Variants in SCAPER observed in about 807,000 individuals in gnomAD.
SCAPER encodes S-phase cyclin A associated protein in the ER, also known as S phase cyclin A-associated protein in the endoplasmic reticulum.
In SCAPER, 98 loss-of-function variants were observed where a neutral mutation model predicts 182.2. The observed-to-expected ratio is 0.54, with a 90% CI of 0.46 to 0.64. The LOEUF is 0.64. Among genes scored for constraint, SCAPER ranks in the 30% least tolerant of loss-of-function variants. The pLI is 0.00. For synonymous variants in SCAPER, 605 were observed against 564.6 expected (o/e 1.07, Z -1.01); for missense variants, 1,432 against 1,690.0 (o/e 0.85, Z 2.68).
At chr15:76,508,947 G>A (rs755611553) in intron 23 of SCAPER, among the ~76,000 whole-genome samples, 1 of 152,062 alleles carries the variant, frequency 6.6e-6, no homozygotes, top group Non-Finnish European at 1.5e-5. Flanking sequence ...ATATTTTCTG[G>A]ATTTAATTTG....
intron 23 of SCAPER, among the ~76,000 whole-genome samples, chr15:76,541,135 A>T (rs948270440): frequency 1.3e-5 from 2 of 152,084 alleles, no homozygotes; most frequent in Non-Finnish European, 2.9e-5. Context: ...AAGAAAAAAA[A>T]AACCATGTTT....
At chr15:76,901,031 C>T (rs937746712) in intron 1 of SCAPER, among the ~76,000 whole-genome samples, 1 of 152,158 alleles carries the variant, frequency 6.6e-6, no homozygotes, top group Non-Finnish European at 1.5e-5. Flanking sequence ...CTACTGTTCA[C>T]ATTTTTGCTA....
intron 8 of SCAPER, among the ~76,000 whole-genome samples, chr15:76,779,906 G>C (rs2063994914): frequency 6.6e-6 from 1 of 152,118 alleles, no homozygotes; most frequent in South Asian, 2.1e-4. Context: ...ATCAACGGGG[G>C]ATCTTCGACC....
At chr15:76,894,906 A>G (rs2074348442) in intron 1 of SCAPER, among the ~76,000 whole-genome samples, 1 of 152,176 alleles carries the variant, frequency 6.6e-6, no homozygotes, top group African/African-American at 2.4e-5. Flanking sequence ...AACTCACAAA[A>G]GAGAAGAACC....
chr15:76,651,924 C>T (rs1293252425), intron 21 of SCAPER, among the ~76,000 whole-genome samples: 1 of 151,710 alleles, frequency 6.6e-6, no homozygotes, highest in African/African-American at 2.4e-5. Flanking sequence ...AGTTAACACA[C>T]CACAAATCAA....
chr15:76,763,739 T>G (rs1405432831), intron 14 of SCAPER, among the ~76,000 whole-genome samples: 1 of 152,178 alleles, frequency 6.6e-6, no homozygotes, highest in South Asian at 2.1e-4. Flanking sequence ...ACTGAGTCTG[T>G]TGCTGAAGCT....
chr15:76,712,904 T>C (rs577197056), intron 17 of SCAPER, among the ~76,000 whole-genome samples: 11 of 151,676 alleles, frequency 7.3e-5, no homozygotes, highest in Middle Eastern at 3.4e-3. Context: ...TTTGATTTCC[T>C]CTTTTCCTAA....
At chr15:76,813,384 TAG>T (rs1555617303) in intron 5 of SCAPER, among the ~76,000 whole-genome samples, 2 of 151,810 alleles carry the variant, frequency 1.3e-5, no homozygotes, top group Non-Finnish European at 1.5e-5. Context: ...ATCTAAGATC[TAG>T]TACCAGGCAA....
chr15:76,876,947 T>C (rs1295510335), intron 2 of SCAPER, among the ~76,000 whole-genome samples: 1 of 152,054 alleles, frequency 6.6e-6, no homozygotes, highest in Non-Finnish European at 1.5e-5. Flanking sequence ...ACATACCAAA[T>C]AGATTTGGCT....
At chr15:76,630,147 CCATTT>C (rs1250192367) in intron 21 of SCAPER, among the ~76,000 whole-genome samples, 12 of 151,854 alleles carry the variant, frequency 7.9e-5, no homozygotes, top group African/African-American at 2.7e-4. Flanking sequence ...TGGTGATATC[CCATTT>C]ATTATTTTTT....
chr15:76,585,528 A>G (rs1567528885), intron 22 of SCAPER, among the ~76,000 whole-genome samples: 1 of 152,176 alleles, frequency 6.6e-6, no homozygotes, highest in Admixed American at 6.5e-5. Context: ...AGCCATAGCA[A>G]CAGATATATA....
At chr15:76,662,775 T>C (rs775098809) in intron 21 of SCAPER, among the ~76,000 whole-genome samples, 1 of 152,100 alleles carries the variant, frequency 6.6e-6, no homozygotes, top group Non-Finnish European at 1.5e-5. Flanking sequence ...AAAATAAACC[T>C]GGACCCATAC....
At chr15:76,700,315 C>T (rs1375835712) in intron 20 of SCAPER, among the ~76,000 whole-genome samples, 1 of 152,210 alleles carries the variant, frequency 6.6e-6, no homozygotes, top group Admixed American at 6.5e-5. Context: ...CCTCTGGACT[C>T]TTCACAAGCT....
At chr15:76,902,260 CTG>C (rs2074828514) in intron 1 of SCAPER, among the ~76,000 whole-genome samples, 1 of 152,196 alleles carries the variant, frequency 6.6e-6, no homozygotes, top group African/African-American at 2.4e-5. Context: ...AAACCAAATA[CTG>C]TGTGTTCTCT....
chr15:76,779,595 C>A (rs928499589), intron 8 of SCAPER, among the ~76,000 whole-genome samples: 1 of 151,924 alleles, frequency 6.6e-6, no homozygotes, highest in Non-Finnish European at 1.5e-5. Context: ...GTTTCTCTGG[C>A]AAATTCAACT....
intron 23 of SCAPER, among the ~76,000 whole-genome samples, chr15:76,564,323 T>C (rs2145198858): frequency 6.6e-6 from 1 of 152,258 alleles, no homozygotes; most frequent in South Asian, 2.1e-4. Context: ...AATCTCATGA[T>C]ACAAAATCAA....
Position 76,665,802 on chromosome 15 carries a change from T to A in SCAPER, c.2509-13A>T, listed in dbSNP as rs1436490131. 12 of 1,485,598 alleles carry A rather than the reference T, an allele frequency of 8.1e-6. No homozygotes were observed. The highest frequency in any genetic ancestry group is 4.8e-4 in the Middle Eastern group (2 of 4,130). The allele number at this position is 1,485,598 out of a possible 1,614,324, so 92.0% of individuals were successfully genotyped here. A position where few individuals can be genotyped will look rare whatever the true frequency, so the allele number is the denominator to read the frequency against. ...AGGAAAGATGCTCCTGCAAGATAAA[T>A]AAATAAAATAATAATAATGAGGATG... On this transcript the variant is annotated splice_polypyrimidine_tract_variant and intron_variant, in intron 20 of 31. Coordinates refer to ENST00000563290, the MANE Select transcript of SCAPER (RefSeq NM_020843.4).
intron 6 of SCAPER, among the ~76,000 whole-genome samples, chr15:76,803,910 A>G (rs2065956851): frequency 6.6e-6 from 1 of 152,214 alleles, no homozygotes; most frequent in Admixed American, 6.5e-5. Flanking sequence ...ACAGTCACAG[A>G]GCTTGGCACA....
chr15:76,860,318 T>C (rs1328627870), intron 3 of SCAPER, among the ~76,000 whole-genome samples: 1 of 152,160 alleles, frequency 6.6e-6, no homozygotes, highest in Non-Finnish European at 1.5e-5. Context: ...AGAAATGAAG[T>C]AATAGCTCCT....
Sources: gnomAD v4.1 joint callset for allele counts (sites outside exome capture counted in the v4.1 genomes callset) on GRCh38, gnomAD v4.1.1 for gene constraint, MANE v1.5 for transcripts, NCBI Gene and HGNC (gene_info 2026-07-23, HGNC 2026-07-21) for gene names.